Variants in PPM1B observed in about 807,000 individuals in gnomAD.
PPM1B encodes the protein protein phosphatase, Mg2+/Mn2+ dependent 1B.
Under a neutral mutation model 43.0 loss-of-function variants are expected in PPM1B, and 22 were observed. The observed-to-expected ratio is 0.51, with a 90% CI of 0.37 to 0.73. PPM1B has a LOEUF of 0.73. Among genes scored for constraint, PPM1B ranks in the 30% least tolerant of loss-of-function variants. The probability of loss-of-function intolerance (pLI) is 0.00; values close to 1 mark genes in which losing one functional copy is unlikely to be tolerated. For missense variants in PPM1B, 632 were observed against 584.2 expected (o/e 1.08, Z -0.84); for synonymous variants, 217 against 197.9 (o/e 1.10, Z -0.81).
rs564311341 is a variant in PPM1B, at chr2:44,229,115, G to C, written c.1135-1298G>C. On this transcript the variant is annotated intron_variant, in intron 5 of 5. Transcript: ENST00000282412. ...GAGAATCGCTTAAATCCTCGAGGTGGAGGTTGTGGTGAGCCGAGAACATGC... is the reference window on the plus strand; with the variant it reads ...GAGAATCGCTTAAATCCTCGAGGTGCAGGTTGTGGTGAGCCGAGAACATGC... Among the ~76,000 whole-genome samples, 3 of 151,756 alleles carry C rather than the reference G, an allele frequency of 2.0e-5. No homozygotes were observed. In the South Asian group the frequency reaches 6.3e-4, roughly 32 times the overall value.
intron 5 of PPM1B, among the ~76,000 whole-genome samples, chr2:44,242,754 C>T (rs1463410854): frequency 1.3e-5 from 2 of 148,630 alleles, no homozygotes; most frequent in African/African-American, 2.5e-5. Context: ...CCTGCTCACA[C>T]ATGTTAATTG....
At chr2:44,202,742 G>C (rs985795181) in intron 2 of PPM1B, among the ~76,000 whole-genome samples, 5 of 152,064 alleles carry the variant, frequency 3.3e-5, no homozygotes, top group African/African-American at 9.7e-5. Flanking sequence ...GAACACTAAA[G>C]TTTATTTAGA....
chr2:44,182,614 C>G (rs1031107081), intron 1 of PPM1B, among the ~76,000 whole-genome samples: 2 of 152,114 alleles, frequency 1.3e-5, no homozygotes, highest in Non-Finnish European at 2.9e-5. Flanking sequence ...TTTAAGTTTT[C>G]TAATTGTGAT....
At chr2:44,171,716 G>C (rs1667354092) in intron 1 of PPM1B, among the ~76,000 whole-genome samples, 1 of 151,654 alleles carries the variant, frequency 6.6e-6, no homozygotes, top group Non-Finnish European at 1.5e-5. Context: ...TGTAATCCCA[G>C]CTACTCAGGA....
At chr2:44,238,077 A>C (rs1670667076), downstream of PPM1B, among the ~76,000 whole-genome samples, 1 of 151,670 alleles carries the variant, frequency 6.6e-6, no homozygotes, top group Non-Finnish European at 1.5e-5. Flanking sequence ...ATTTTTTTGT[A>C]TTTTTAGTAG....
intron 1 of PPM1B, among the ~76,000 whole-genome samples, chr2:44,197,332 T>C (rs1668710793): frequency 6.6e-6 from 1 of 152,212 alleles, no homozygotes; most frequent in African/African-American, 2.4e-5. Flanking sequence ...TTGTCCAGGC[T>C]GATCTCGAAC....
chr2:44,177,386 T>TGGAGC (rs1172348193), intron 1 of PPM1B, among the ~76,000 whole-genome samples: 1 of 151,832 alleles, frequency 6.6e-6, no homozygotes, highest in African/African-American at 2.4e-5. Context: ...TGTTCTGGAG[T>TGGAGC]GTTTGGAATT....
Position 44,201,760 on chromosome 2 carries a change from G to T in PPM1B, c.561G>T (p.Val187=), listed in dbSNP as rs761200958. The T allele has an allele frequency of 6.2e-7, 1 of 1,614,222 alleles. No homozygotes were observed. The highest frequency in any genetic ancestry group is 1.1e-5 in the South Asian group (1 of 91,084). Residue 187 remains valine (V), a synonymous_variant, in exon 2 of 6, where the codon GTG becomes GTT. Coordinates refer to ENST00000282412, the MANE Select transcript of PPM1B (RefSeq NM_002706.6). This position sits in a 1 kb window ranked among gnomAD's most constrained non-coding sequence, Gnocchi z 5.4. ...GAATCCAAAATGCAGGAGGCAGCGTGATGATACAACGTGTTAATGGTTCAT... is the reference window on the plus strand; with the variant it reads ...GAATCCAAAATGCAGGAGGCAGCGTTATGATACAACGTGTTAATGGTTCAT... The part of the protein sequence containing the change: ...KERIQNAGGS[V]MIQRVNGSLA...
chr2:44,186,791 A>G (rs185690186), intron 1 of PPM1B, among the ~76,000 whole-genome samples: 5 of 152,360 alleles, frequency 3.3e-5, no homozygotes, highest in African/African-American at 4.8e-5. Context: ...TTTGTTGATG[A>G]GAAGTCTCGT....
chr2:44,229,755 A>G (rs1325911339), intron 5 of PPM1B, among the ~76,000 whole-genome samples: 1 of 152,166 alleles, frequency 6.6e-6, no homozygotes, highest in Non-Finnish European at 1.5e-5. Flanking sequence ...TGTTCTGTAC[A>G]GTATTAAGTA....
chr2:44,204,602 CAT>C (rs2104146315), intron 2 of PPM1B, among the ~76,000 whole-genome samples: 1 of 152,118 alleles, frequency 6.6e-6, no homozygotes, highest in African/African-American at 2.4e-5. Flanking sequence ...TATTTTAACT[CAT>C]GTAATTTTCA....
intron 1 of PPM1B, among the ~76,000 whole-genome samples, chr2:44,171,549 G>A (rs765486240): frequency 1.3e-5 from 2 of 152,108 alleles, no homozygotes; most frequent in Non-Finnish European, 2.9e-5. Flanking sequence ...GGCTATATAG[G>A]CCAGGTGCGG....
intron 1 of PPM1B, among the ~76,000 whole-genome samples, chr2:44,180,521 T>C (rs534618790): frequency 6.6e-6 from 1 of 152,356 alleles, no homozygotes; most frequent in African/African-American, 2.4e-5. Flanking sequence ...AGCATTCCAA[T>C]AGATTTTTAG....
chr2:44,196,496 C>G (rs555130106), intron 1 of PPM1B, among the ~76,000 whole-genome samples: 12 of 152,160 alleles, frequency 7.9e-5, no homozygotes, highest in Non-Finnish European at 1.8e-4. Flanking sequence ...TCAGATTTCT[C>G]CACTGTAGAG....
At chr2:44,217,025 G>A (rs80257954) in intron 3 of PPM1B, among the ~76,000 whole-genome samples, 1 of 152,124 alleles carries the variant, frequency 6.6e-6, no homozygotes, top group Admixed American at 6.5e-5. Flanking sequence ...ATCCTTTGGA[G>A]ATGAGGGAGG....
intron 5 of PPM1B, among the ~76,000 whole-genome samples, chr2:44,243,534 A>C (rs1286802463): frequency 6.6e-6 from 1 of 152,158 alleles, no homozygotes; most frequent in African/African-American, 2.4e-5. Context: ...ATACAACTGG[A>C]ACTTATTTCT....
At chr2:44,180,245 G>C (rs1667806012) in intron 1 of PPM1B, among the ~76,000 whole-genome samples, 1 of 152,090 alleles carries the variant, frequency 6.6e-6, no homozygotes, top group Admixed American at 6.6e-5. Context: ...CCTCACTTAG[G>C]AAGAGTTGGC....
intron 3 of PPM1B, among the ~76,000 whole-genome samples, chr2:44,212,796 G>T (rs1439711956): frequency 6.6e-6 from 1 of 152,068 alleles, no homozygotes; most frequent in Non-Finnish European, 1.5e-5. Context: ...AGATCACGAG[G>T]TCTGGAGATT....
chr2:44,236,465 C>T (rs1044637599), downstream of PPM1B, among the ~76,000 whole-genome samples: 1 of 144,674 alleles, frequency 6.9e-6, no homozygotes, highest in Admixed American at 7.2e-5. Context: ...AAAATAATGG[C>T]GCTGTCTTGC....
Sources: gnomAD v4.1 joint callset for allele counts (sites outside exome capture counted in the v4.1 genomes callset) on GRCh38, gnomAD v4.1.1 for gene constraint, Gnocchi (gnomAD v3.1) non-coding constraint, MANE v1.5 for transcripts, NCBI Gene and HGNC (gene_info 2026-07-23, HGNC 2026-07-21) for gene names.